Variants in DDX60 observed in about 807,000 individuals in gnomAD.
DDX60 encodes the protein probable ATP-dependent RNA helicase DDX60.
DDX60 carries 165 observed loss-of-function variants against 212.8 expected under a neutral mutation model. The observed-to-expected ratio is 0.78, with a 90% CI of 0.68 to 0.88. The LOEUF is 0.88. Among genes scored for constraint, DDX60 ranks in the 40% least tolerant of loss-of-function variants. The pLI, the probability that DDX60 is intolerant of heterozygous loss-of-function variation, is 0.00. For synonymous variants in DDX60, 703 were observed against 685.3 expected (o/e 1.03, Z -0.40); for missense variants, 1,905 against 2,003.9 (o/e 0.95, Z 0.94).
chr4:168,226,546 T>C (rs934849507), intron 33 of DDX60, among the ~76,000 whole-genome samples: 6 of 152,106 alleles, frequency 3.9e-5, no homozygotes, highest in African/African-American at 7.2e-5. Flanking sequence ...TGTGGGTCCA[T>C]AGCAGGTGTG....
intron 19 of DDX60, 89 bp from the exon 20 acceptor site, chr4:168,269,058 T>C (rs575623903): frequency 3.0e-6 from 2 of 673,062 alleles, no homozygotes; most frequent in Non-Finnish European, 2.5e-6. Context: ...GAAATTGTCA[T>C]GCATGCCTTC....
intron 12 of DDX60, 68 bp downstream of exon 12, chr4:168,284,752 C>A (rs538922326): frequency 1.1e-4 from 81 of 748,606 alleles, no homozygotes; most frequent in Non-Finnish European, 1.4e-5. Flanking sequence ...TGATAATTTT[C>A]CACTATAAAA....
At chr4:168,322,390 T>C (rs1307687684), upstream of DDX60, among the ~76,000 whole-genome samples, 2 of 152,200 alleles carry the variant, frequency 1.3e-5, no homozygotes, top group Non-Finnish European at 2.9e-5. Context: ...ACTTACAGAA[T>C]CTTGAGTCTC....
In DDX60 at chr4:168,284,858, A is replaced by G. The variant is rs760493298; in HGVS notation, c.1523T>C (p.Leu508Pro). 1.3e-5 allele frequency: 20 copies of G among 1,594,154 alleles called. No homozygotes were observed. The highest frequency in any genetic ancestry group is 1.5e-5 in the Non-Finnish European group (18 of 1,167,640). ...CCTGGACCTGTCATAATCATCACTC[A>G]GGGGTTTATGAGAATGCCAGTGCAC... ...ELVHWHSHKPLSDDYDRSRCQ... is the reference protein window; with the variant it reads ...ELVHWHSHKPPSDDYDRSRCQ... Residue 508 changes from leucine to proline, a missense_variant, in exon 12 of 38, where the codon CTG (leucine) becomes CCG (proline). Coordinates refer to ENST00000393743, the MANE Select transcript of DDX60 (RefSeq NM_017631.6).
the DDX60 span, among the ~76,000 whole-genome samples, chr4:168,325,332 A>AATC: frequency 6.6e-6 from 1 of 152,224 alleles, no homozygotes; most frequent in African/African-American, 2.4e-5. Flanking sequence ...AAGCCCAGAT[A>AATC]ATTGCATGCT....
chr4:168,311,771 A>C (rs1164591863), intron 1 of DDX60, among the ~76,000 whole-genome samples: 1 of 152,168 alleles, frequency 6.6e-6, no homozygotes, highest in Non-Finnish European at 1.5e-5. Context: ...AGACCATCAA[A>C]GAAAAGACTA....
intron 30 of DDX60, among the ~76,000 whole-genome samples, chr4:168,240,946 T>C (rs12510230): frequency 0.059 from 8,909 of 152,262 alleles, 450 homozygotes; most frequent in East Asian, 0.15. Context: ...ATTGAAACTC[T>C]CACAATTCCC....
chr4:168,249,193 G>A (rs17649291), intron 28 of DDX60, among the ~76,000 whole-genome samples: 9,906 of 152,224 alleles, frequency 0.065, 473 homozygotes, highest in East Asian at 0.15. Flanking sequence ...TATGGAAAAA[G>A]CATACCTCAG....
At position 168,290,386 on chromosome 4, in the gene DDX60, T is replaced by G. The variant is rs370483037; in HGVS notation, c.1041+1362A>C. On this transcript the variant is annotated intron_variant, in intron 8 of 37. Coordinates refer to ENST00000393743, the MANE Select transcript of DDX60 (RefSeq NM_017631.6). ...CTCTGTCACCCAGGCTGGAGTACAGTGGTGCGATCTCGGCTCACTGCAAGC... is the reference window on the plus strand; with the variant it reads ...CTCTGTCACCCAGGCTGGAGTACAGGGGTGCGATCTCGGCTCACTGCAAGC... 2.3e-4 allele frequency among the ~76,000 whole-genome samples: 34 copies of G among 150,298 alleles called. 1 individual carries two copies. The highest frequency in any genetic ancestry group is 7.0e-3 in the Middle Eastern group (2 of 286).
In DDX60 at chr4:168,293,989, A is replaced by C. The variant is rs201431790; in HGVS notation, c.724-44T>G. 1.3e-5 allele frequency: 20 copies of C among 1,562,800 alleles called. No homozygotes were observed. The African/African-American group carries it at 2.6e-4, about 20-fold the overall frequency. On this transcript the variant is annotated intron_variant, in intron 6 of 37. Coordinates refer to ENST00000393743, the MANE Select transcript of DDX60 (RefSeq NM_017631.6). Reference sequence around the variant, plus strand: ...GTAATGTGTCATGCTATTTAGAAAAATATTTTTATTTGTAAGTGATCTTAC... The same window carrying C: ...GTAATGTGTCATGCTATTTAGAAAACTATTTTTATTTGTAAGTGATCTTAC...
rs17053845 is a variant in DDX60, at chr4:168,251,112, A to G, written c.3706-6T>C. The G allele has an allele frequency of 6.4e-3, 10,278 of 1,605,552 alleles. 580 individuals carry two copies. The African/African-American group carries it at 0.12, about 18-fold the overall frequency. On this transcript the variant is annotated splice_polypyrimidine_tract_variant and splice_region_variant and intron_variant, in intron 27 of 37. Transcript: ENST00000393743. ...CCAAATACCTTCTGCAAAGTCTAAA[A>G]GAAGCAAGACATTTAGGGATTATGA... is the stretch of plus-strand genomic sequence containing the variant.
At chr4:168,223,032 C>T (rs1360841577) in intron 35 of DDX60, among the ~76,000 whole-genome samples, 1 of 152,014 alleles carries the variant, frequency 6.6e-6, no homozygotes, top group Non-Finnish European at 1.5e-5. Context: ...AGTAACTATT[C>T]CTTCACTTTT....
At chr4:168,286,419 A>C (rs893956616) in intron 10 of DDX60, among the ~76,000 whole-genome samples, 2 of 62,056 alleles carry the variant, frequency 3.2e-5, no homozygotes, top group African/African-American at 2.3e-4. Context: ...CACACACACC[A>C]CACGAGATAG....
chr4:168,325,728 T>C, the DDX60 span, among the ~76,000 whole-genome samples: 2 of 152,342 alleles, frequency 1.3e-5, no homozygotes, highest in African/African-American at 4.8e-5. Flanking sequence ...TTTCCCCAAA[T>C]AGTCGTGAAC....
chr4:168,269,621 G>C (rs1251669610), intron 19 of DDX60, among the ~76,000 whole-genome samples: 1 of 151,892 alleles, frequency 6.6e-6, no homozygotes, highest in Non-Finnish European at 1.5e-5. Context: ...AGTTTAAAAA[G>C]ATAAACTATA....
At chr4:168,298,234 CTATAA>C (rs1234570085) in intron 6 of DDX60, among the ~76,000 whole-genome samples, 5 of 152,098 alleles carry the variant, frequency 3.3e-5, no homozygotes, top group Admixed American at 6.5e-5. Flanking sequence ...ATACAAATGC[CTATAA>C]TATATTATAG....
chr4:168,243,496 T>A (rs953850457), intron 30 of DDX60, among the ~76,000 whole-genome samples: 1 of 151,996 alleles, frequency 6.6e-6, no homozygotes, highest in Non-Finnish European at 1.5e-5. Flanking sequence ...AGCCAACATA[T>A]GAAAAAAACT....
intron 25 of DDX60, 104 bp from the exon 26 acceptor site, chr4:168,255,973 T>G (rs1366493197): frequency 1.7e-6 from 2 of 1,181,052 alleles, no homozygotes; most frequent in African/African-American, 3.2e-5. Context: ...TGTTGGGTTT[T>G]TAATACCCAC....
At chr4:168,246,333 C>T (rs1205814477) in intron 30 of DDX60, 85 bp downstream of exon 30, 69 of 1,510,264 alleles carry the variant, frequency 4.6e-5, no homozygotes, top group Non-Finnish European at 6.1e-5. Flanking sequence ...AGGGTGATTG[C>T]TACAGACTTC....
Sources: allele counts gnomAD v4.1 joint callset (sites outside exome capture counted in the v4.1 genomes callset), GRCh38; gene constraint gnomAD v4.1.1; transcripts MANE v1.5; gene names NCBI Gene and HGNC (gene_info 2026-07-23, HGNC 2026-07-21).